Variants in GPR61 observed in about 807,000 individuals in gnomAD.
The protein encoded by GPR61 is G protein-coupled receptor 61.
GPR61 carries 15 observed loss-of-function variants against 29.2 expected under a neutral mutation model. That is an observed-to-expected ratio of 0.51 (90% confidence interval 0.34 to 0.79). The LOEUF is 0.79. Among genes scored for constraint, GPR61 ranks in the 30% least tolerant of loss-of-function variants. The pLI is 0.01. For missense variants in GPR61, 399 were observed against 582.5 expected (o/e 0.69, Z 3.24); for synonymous variants, 238 against 242.3 (o/e 0.98, Z 0.17).
At chr1:109,541,159 C>T (rs1647631405) in intron 1 of GPR61, among the ~76,000 whole-genome samples, 1 of 152,158 alleles carries the variant, frequency 6.6e-6, no homozygotes, top group South Asian at 2.1e-4. Flanking sequence ...CACTTTTGTG[C>T]CCGCTCTTCA....
intron 1 of GPR61, among the ~76,000 whole-genome samples, chr1:109,540,298 T>C (rs1448050075): frequency 1.3e-5 from 2 of 152,172 alleles, no homozygotes; most frequent in East Asian, 3.8e-4. Context: ...AACTGTGTCC[T>C]GGGCGTGGGC....
chr1:109,544,644 G>T lies in GPR61; in HGVS notation c.*266G>T. ...CGAGAGAAAAGGGTCACAAAGGTGA[G>T]GTGAAACCTCTCAATTGGTGAAATT... On this transcript the variant is annotated 3_prime_UTR_variant, in exon 2 of 2. Transcript: ENST00000527748. This position sits in a 1 kb window ranked among gnomAD's most constrained non-coding sequence, Gnocchi z 4.6. The T allele has an allele frequency of 2.2e-6, 1 of 454,066 alleles. No individual in the cohort carries two copies. Among genetic ancestry groups the T allele is most frequent in the South Asian group, 4.9e-5 (1 of 20,344 alleles). 28.1% of individuals were successfully genotyped at this position (454,066 alleles called of 1,614,324 possible).
At chr1:109,542,114 C>T (rs1386594830) in intron 1 of GPR61, among the ~76,000 whole-genome samples, 1 of 152,222 alleles carries the variant, frequency 6.6e-6, no homozygotes, top group Non-Finnish European at 1.5e-5. Flanking sequence ...AGTACTGGAC[C>T]TGGGGCCAGA....
intron 1 of GPR61, among the ~76,000 whole-genome samples, chr1:109,541,912 G>A (rs1349851930): frequency 1.3e-5 from 2 of 152,240 alleles, no homozygotes; most frequent in African/African-American, 4.8e-5. Context: ...TTCCCAAAGT[G>A]GCAGCTCTTT....
In GPR61 at chr1:109,546,207, T is replaced by A. The variant is rs1295351921; in HGVS notation, c.*1829T>A. The A allele has an allele frequency of 1.3e-5, 2 of 152,090 alleles. No individual in the cohort carries two copies. Among genetic ancestry groups the A allele is most frequent in the African/African-American group, 4.8e-5 (2 of 41,400 alleles). The allele number at this position is 152,090 out of a possible 1,614,324, so 9.4% of individuals were successfully genotyped here. A position where few individuals can be genotyped will look rare whatever the true frequency, so the allele number is the denominator to read the frequency against. On this transcript the variant is annotated 3_prime_UTR_variant, in exon 2 of 2. Transcript: ENST00000527748. ...GCTTTCCCCCTTTGTTCTAGGAAAA[T>A]TTCTAGGTTGTCTTCCTACCACTAG...
At position 109,544,692 on chromosome 1, in the gene GPR61, A is replaced by C. The variant is rs1034080492; in HGVS notation, c.*314A>C. 5.6e-6 allele frequency: 2 copies of C among 354,334 alleles called. No individual in the cohort carries two copies. Among genetic ancestry groups the C allele is most frequent in the African/African-American group, 4.1e-5 (2 of 48,438 alleles). 21.9% of individuals were successfully genotyped at this position (354,334 alleles called of 1,614,324 possible). A position where few individuals can be genotyped will look rare whatever the true frequency, so the allele number is the denominator to read the frequency against. On this transcript the variant is annotated 3_prime_UTR_variant, in exon 2 of 2. Transcript: ENST00000527748. The surrounding 1 kb of genome is among the most constrained non-coding windows in gnomAD (Gnocchi z 4.6). Reference sequence around the variant, plus strand: ...ATTTCCATGCTTCCAGAAGCAGGGAATTCTCTAAGGGTAGGAGTTGGAGGA... The same window carrying C: ...ATTTCCATGCTTCCAGAAGCAGGGACTTCTCTAAGGGTAGGAGTTGGAGGA...
At position 109,543,988 on chromosome 1, in the gene GPR61, G is replaced by A; in HGVS notation, c.966G>A (p.Val322=). The change falls in exon 2 of 2, where the codon GTG becomes GTA. Residue 322 remains valine (V), a synonymous_variant. Transcript: ENST00000527748. This position sits in a 1 kb window ranked among gnomAD's most constrained non-coding sequence, Gnocchi z 6.8. Reference sequence around the variant, plus strand: ...CTCAGCCCATTTCAACTGGGCAGGTGGAGAGTGTGGTCACCTGGATTGGCT... The same window carrying A: ...CTCAGCCCATTTCAACTGGGCAGGTAGAGAGTGTGGTCACCTGGATTGGCT... ...LSAQPISTGQ[V]ESVVTWIGYF... 6.2e-7 allele frequency: 1 copy of A among 1,614,196 alleles called. No homozygotes were observed. The highest frequency in any genetic ancestry group is 8.5e-7 in the Non-Finnish European group (1 of 1,180,028).
Position 109,543,707 on chromosome 1 carries a change from T to C in GPR61, c.685T>C (p.Cys229Arg). Residue 229 changes from cysteine to arginine, a missense_variant, in exon 2 of 2, where the codon TGC (cysteine) becomes CGC (arginine). Physicochemically the swap from Cys to Arg is radical, Grantham distance 180 (BLOSUM62 -3). Coordinates refer to ENST00000527748, the MANE Select transcript of GPR61 (RefSeq NM_001393907.1). The surrounding 1 kb of genome is among the most constrained non-coding windows in gnomAD (Gnocchi z 6.8). Reference protein sequence around the residue: ...LPLLLILVVYCSMFRVARVAA... With the variant: ...LPLLLILVVYRSMFRVARVAA... ...CCTGCTCCTCATACTTGTGGTCTACTGCAGCATGTTCCGAGTGGCCCGCGT... is the reference window on the plus strand; with the variant it reads ...CCTGCTCCTCATACTTGTGGTCTACCGCAGCATGTTCCGAGTGGCCCGCGT... The C allele has an allele frequency of 6.2e-7, 1 of 1,613,636 alleles. No homozygotes were observed. Among genetic ancestry groups the C allele is most frequent in the Non-Finnish European group, 8.5e-7 (1 of 1,180,028 alleles).
In GPR61 at chr1:109,547,236, C is replaced by G. The variant is rs984290245; in HGVS notation, c.*2858C>G. The stretch of plus-strand genomic sequence containing the variant: ...CCTAGCCGTATCTGGCAAATAGGTA[C>G]TCAATAAATACTGGTTTTACTTCCC... On this transcript the variant is annotated 3_prime_UTR_variant, in exon 2 of 2. Transcript: ENST00000527748. The G allele has an allele frequency of 2.6e-5, 4 of 152,194 alleles. No homozygotes were observed. Among genetic ancestry groups the G allele is most frequent in the African/African-American group, 9.7e-5 (4 of 41,440 alleles). 9.4% of individuals were successfully genotyped at this position (152,194 alleles called of 1,614,324 possible). A position where few individuals can be genotyped will look rare whatever the true frequency, so the allele number is the denominator to read the frequency against.
rs931665235 is a variant in GPR61 at position 109,546,437 on chromosome 1, T to G, written c.*2059T>G. The G allele has an allele frequency of 1.3e-5, 2 of 152,234 alleles. No homozygotes were observed. Among genetic ancestry groups the G allele is most frequent in the African/African-American group, 4.8e-5 (2 of 41,436 alleles). 9.4% of individuals were successfully genotyped at this position (152,234 alleles called of 1,614,324 possible). On this transcript the variant is annotated 3_prime_UTR_variant, in exon 2 of 2. Coordinates refer to ENST00000527748, the MANE Select transcript of GPR61 (RefSeq NM_001393907.1). ...CTGATCAGCTATTAGATCCAAGGAATTGCCAGCAGGTGGCAGTGTGAGCCC... is the reference window on the plus strand; with the variant it reads ...CTGATCAGCTATTAGATCCAAGGAAGTGCCAGCAGGTGGCAGTGTGAGCCC...
chr1:109,543,089 C>A lies in GPR61; in HGVS notation c.67C>A (p.Pro23Thr). 6.4e-7 allele frequency: 1 copy of A among 1,568,140 alleles called. No individual in the cohort carries two copies. The highest frequency in any genetic ancestry group is 8.7e-7 in the Non-Finnish European group (1 of 1,155,322). ...SSTLGRVPQT[P>T]GPSTASGVPE... ...CACTTTGGGGAGGGTCCCTCAAACC[C>A]CAGGTCCCTCTACTGCCAGTGGGGT... The change falls in exon 2 of 2, where the codon CCA (proline) becomes ACA (threonine). Residue 23 changes from proline (P) to threonine (T), a missense_variant. Coordinates refer to ENST00000527748, the MANE Select transcript of GPR61 (RefSeq NM_001393907.1). This position sits in a 1 kb window ranked among gnomAD's most constrained non-coding sequence, Gnocchi z 6.8.
rs1647766695 is a variant in GPR61 at position 109,545,305 on chromosome 1, T to C, written c.*927T>C. On this transcript the variant is annotated 3_prime_UTR_variant, in exon 2 of 2. Transcript: ENST00000527748. Reference sequence around the variant, plus strand: ...ATCAATAATACTGCGAATCTTTTCTTTCCAGGACTGGCCTCCCTGATCTCT... The same window carrying C: ...ATCAATAATACTGCGAATCTTTTCTCTCCAGGACTGGCCTCCCTGATCTCT... 1 of 152,162 alleles carries C rather than the reference T, an allele frequency of 6.6e-6. No homozygotes were observed. The highest frequency in any genetic ancestry group is 1.5e-5 in the Non-Finnish European group (1 of 68,030). 9.4% of individuals were successfully genotyped at this position (152,162 alleles called of 1,614,324 possible). A position where few individuals can be genotyped will look rare whatever the true frequency, so the allele number is the denominator to read the frequency against.
intron 1 of GPR61, among the ~76,000 whole-genome samples, chr1:109,541,201 A>G (rs1647632897): frequency 6.6e-6 from 1 of 152,176 alleles, no homozygotes; most frequent in Non-Finnish European, 1.5e-5. Flanking sequence ...CTCTGTGGGC[A>G]TCTTAACTGT....
intron 1 of GPR61, among the ~76,000 whole-genome samples, chr1:109,540,434 G>T (rs1293001252): frequency 1.3e-5 from 2 of 152,160 alleles, no homozygotes; most frequent in African/African-American, 2.4e-5. Context: ...TGGAAAACAG[G>T]TGCATGTGAA....
intron 1 of GPR61, among the ~76,000 whole-genome samples, chr1:109,540,998 A>G (rs1218776375): frequency 2.6e-5 from 4 of 152,166 alleles, no homozygotes; most frequent in Non-Finnish European, 5.9e-5. Flanking sequence ...TTCAGCCACC[A>G]GGGAGGGACT....
Position 109,544,003 on chromosome 1 carries a change from C to A in GPR61, c.981C>A (p.Thr327=). ...CTGGGCAGGTGGAGAGTGTGGTCAC[C>A]TGGATTGGCTACTTTTGCTTCACTT... ...ISTGQVESVV[T]WIGYFCFTSN... The change falls in exon 2 of 2, where the codon ACC becomes ACA. Residue 327 remains threonine, a synonymous_variant. Coordinates refer to ENST00000527748, the MANE Select transcript of GPR61 (RefSeq NM_001393907.1). This position sits in a 1 kb window ranked among gnomAD's most constrained non-coding sequence, Gnocchi z 4.6. 1 of 1,614,238 alleles carries A rather than the reference C, an allele frequency of 6.2e-7. No individual in the cohort carries two copies. The highest frequency in any genetic ancestry group is 2.2e-5 in the East Asian group (1 of 44,884).
Position 109,544,483 on chromosome 1 carries a change from G to A in GPR61, c.*105G>A. Reference sequence around the variant, plus strand: ...CCAGCTGGCTAGGGCTGAGGCTGGGGTCTCTGCACACAGCTTTTGCTTAGT... The same window carrying A: ...CCAGCTGGCTAGGGCTGAGGCTGGGATCTCTGCACACAGCTTTTGCTTAGT... On this transcript the variant is annotated 3_prime_UTR_variant, in exon 2 of 2. Transcript: ENST00000527748. The surrounding 1 kb of genome is among the most constrained non-coding windows in gnomAD (Gnocchi z 4.6). 2 of 798,224 alleles carry A rather than the reference G, an allele frequency of 2.5e-6. No homozygotes were observed. The highest frequency in any genetic ancestry group is 4.1e-6 in the Non-Finnish European group (2 of 493,592). 49.4% of individuals were successfully genotyped at this position (798,224 alleles called of 1,614,324 possible). A position where few individuals can be genotyped will look rare whatever the true frequency, so the allele number is the denominator to read the frequency against.
rs570519273 is a variant in GPR61, at chr1:109,541,592, G to A, written c.-601-830G>A. ...CATAGAAATGATGGGTTTTTAAACT[G>A]AGCAACCTCAGTGTCTCCTCCCTAC... On this transcript the variant is annotated intron_variant, in intron 1 of 1. Transcript: ENST00000527748. 2.6e-5 allele frequency among the ~76,000 whole-genome samples: 4 copies of A among 152,314 alleles called. No homozygotes were observed. The East Asian group carries it at 5.8e-4, about 22-fold the overall frequency.
In GPR61 at chr1:109,539,883, G is replaced by GGCTTCAGCAGCCTTGGAGAA. The variant is rs1553220766; in HGVS notation, c.-669_-650dup. On this transcript the variant is annotated 5_prime_UTR_variant, in exon 1 of 2. Coordinates refer to ENST00000527748, the MANE Select transcript of GPR61 (RefSeq NM_001393907.1). ...TCTCACCGCTCACTGCAGTGCTTCA[G>GGCTTCAGCAGCCTTGGAGAA]GCTTCAGCAGCCTTGGAGAAGCATC... The GGCTTCAGCAGCCTTGGAGAA allele has an allele frequency of 5.9e-5, 9 of 152,250 alleles. No individual in the cohort carries two copies. Among genetic ancestry groups the GGCTTCAGCAGCCTTGGAGAA allele is most frequent in the Non-Finnish European group, 1.0e-4 (7 of 68,090 alleles). The allele number at this position is 152,250 out of a possible 1,614,324, so 9.4% of individuals were successfully genotyped here.
Sources: allele counts gnomAD v4.1 joint callset (sites outside exome capture counted in the v4.1 genomes callset), GRCh38; gene constraint gnomAD v4.1.1; non-coding constraint Gnocchi (gnomAD v3.1); transcripts MANE v1.5; gene names NCBI Gene and HGNC (gene_info 2026-07-23, HGNC 2026-07-21).